The following PCDH17 variants were observed in gnomAD, a reference collection of about 807,000 sequenced individuals.
PCDH17 encodes the protein protocadherin-17.
PCDH17 carries 21 observed loss-of-function variants against 67.7 expected under a neutral mutation model. The ratio of observed to expected loss-of-function variants is 0.31; its 90% CI spans 0.22 to 0.45. The LOEUF is 0.45. Among genes scored for constraint, PCDH17 ranks in the 20% least tolerant of loss-of-function variants. PCDH17 has a pLI of 1.00. For synonymous variants in PCDH17, 701 were observed against 656.7 expected (o/e 1.07, Z -1.03); for missense variants, 1,471 against 1,564.8 (o/e 0.94, Z 1.01).
chr13:57,632,956 T>C lies in PCDH17; in HGVS notation c.410T>C (p.Ile137Thr), dbSNP rs1416244979. The C allele has an allele frequency of 6.2e-7, 1 of 1,613,674 alleles. No homozygotes were observed. The highest frequency in any genetic ancestry group is 1.1e-5 in the South Asian group (1 of 91,074). ...DNAPSFSSDQ[I>T]EMDISENAAP... is the part of the protein sequence containing the mutation. ...GCGCCCTCCTTCTCCTCGGACCAGATCGAAATGGACATCTCGGAGAACGCT... is the reference window on the plus strand; with the variant it reads ...GCGCCCTCCTTCTCCTCGGACCAGACCGAAATGGACATCTCGGAGAACGCT... The change falls in exon 1 of 4, where the codon ATC becomes ACC. Residue 137 changes from isoleucine (I) to threonine (T), a missense_variant. Ile to Thr is a moderately conservative substitution (Grantham distance 89). Transcript: ENST00000377918.
chr13:57,682,850 T>A (rs1955467021), intron 3 of PCDH17, among the ~76,000 whole-genome samples: 1 of 151,894 alleles, frequency 6.6e-6, no homozygotes, highest in East Asian at 1.9e-4. Flanking sequence ...GATATCAAAC[T>A]ATTAATAATT....
intron 3 of PCDH17, among the ~76,000 whole-genome samples, chr13:57,704,357 G>A (rs969558984): frequency 5.3e-5 from 8 of 151,964 alleles, no homozygotes; most frequent in African/African-American, 1.9e-4. Context: ...CAGTCTAGTA[G>A]GCAGCAGAAA....
In PCDH17 at chr13:57,727,216, C is replaced by G. The variant is rs1176549431; in HGVS notation, c.*1922C>G. ...CAGCTTCATGACAAACAGTTTTGTGCCCATACCTTAGAAAATGTGGTGCTG... is the reference window on the plus strand; with the variant it reads ...CAGCTTCATGACAAACAGTTTTGTGGCCATACCTTAGAAAATGTGGTGCTG... On this transcript the variant is annotated 3_prime_UTR_variant, in exon 4 of 4. Coordinates refer to ENST00000377918, the MANE Select transcript of PCDH17 (RefSeq NM_001040429.3). 6.6e-6 allele frequency: 1 copy of G among 152,458 alleles called. No homozygotes were observed. The highest frequency in any genetic ancestry group is 2.4e-5 in the African/African-American group (1 of 41,404). The allele number at this position is 152,458 out of a possible 1,614,324, so 9.4% of individuals were successfully genotyped here.
chr13:57,664,619 A>C (rs1312097071), intron 1 of PCDH17, among the ~76,000 whole-genome samples: 1 of 152,172 alleles, frequency 6.6e-6, no homozygotes, highest in Admixed American at 6.5e-5. Context: ...TTTTTTAACT[A>C]GAGTTTCTGA....
At chr13:57,711,587 T>C (rs1304086934) in intron 3 of PCDH17, among the ~76,000 whole-genome samples, 2 of 151,860 alleles carry the variant, frequency 1.3e-5, no homozygotes, top group Non-Finnish European at 2.9e-5. Context: ...AATTTACATT[T>C]TCTCAAAGTG....
At chr13:57,668,689 A>T (rs1955284823) in intron 3 of PCDH17, among the ~76,000 whole-genome samples, 1 of 152,122 alleles carries the variant, frequency 6.6e-6, no homozygotes, top group Non-Finnish European at 1.5e-5. Context: ...TTTAAATAAT[A>T]TTGCGCAGGA....
intron 3 of PCDH17, among the ~76,000 whole-genome samples, chr13:57,683,471 C>T (rs1174293978): frequency 6.6e-6 from 1 of 151,740 alleles, no homozygotes; most frequent in African/African-American, 2.4e-5. Context: ...ACTGCAGATG[C>T]TCAGAATATA....
In PCDH17 at chr13:57,634,889, C is replaced by T. The variant is rs544826152; in HGVS notation, c.2343C>T (p.Asn781=). The T allele has an allele frequency of 4.2e-5, 68 of 1,614,030 alleles. No individual in the cohort carries two copies. In the East Asian group the frequency reaches 1.0e-3, roughly 24 times the overall value. ...QSEVEERNAM[N]VMNVVSSPSL... ...AAGTGGAGGAGAGGAACGCCATGAA[C>T]GTCATGAACGTGGTGAGCAGCCCCT... The change falls in exon 1 of 4, where the codon AAC becomes AAT. Residue 781 remains asparagine, a synonymous_variant. Coordinates refer to ENST00000377918, the MANE Select transcript of PCDH17 (RefSeq NM_001040429.3). The surrounding 1 kb of genome is among the most constrained non-coding windows in gnomAD (Gnocchi z 7.8).
At chr13:57,700,079 T>G (rs1955647988) in intron 3 of PCDH17, among the ~76,000 whole-genome samples, 1 of 152,024 alleles carries the variant, frequency 6.6e-6, no homozygotes, top group African/African-American at 2.4e-5. Context: ...GTCAACACAT[T>G]ATGTGGTCAA....
intron 1 of PCDH17, among the ~76,000 whole-genome samples, chr13:57,638,169 G>A (rs1164079246): frequency 6.6e-6 from 1 of 151,972 alleles, no homozygotes; most frequent in Non-Finnish European, 1.5e-5. Flanking sequence ...AGTACATAAG[G>A]CAAATAGATT....
upstream of PCDH17, among the ~76,000 whole-genome samples, chr13:57,630,996 T>C (rs1413470996): frequency 3.3e-5 from 5 of 152,138 alleles, no homozygotes; most frequent in Non-Finnish European, 2.9e-5. Context: ...AGCCCCTGGC[T>C]GGACCGCCGC....
In PCDH17 at chr13:57,632,951, C is replaced by G. The variant is rs1375732970; in HGVS notation, c.405C>G (p.Asp135Glu). ...ACAACGCGCCCTCCTTCTCCTCGGACCAGATCGAAATGGACATCTCGGAGA... is the reference window on the plus strand; with the variant it reads ...ACAACGCGCCCTCCTTCTCCTCGGAGCAGATCGAAATGGACATCTCGGAGA... ...INDNAPSFSSDQIEMDISENA... is the reference protein window; with the variant it reads ...INDNAPSFSSEQIEMDISENA... Residue 135 changes from aspartate to glutamate, a missense_variant, in exon 1 of 4, where the codon GAC becomes GAG. By Grantham distance (45) the Asp-to-Glu change is conservative. Transcript: ENST00000377918. 1 of 1,613,844 alleles carries G rather than the reference C, an allele frequency of 6.2e-7. No individual in the cohort carries two copies. Among genetic ancestry groups the G allele is most frequent in the Non-Finnish European group, 8.5e-7 (1 of 1,180,034 alleles).
At chr13:57,640,749 G>C (rs955682215) in intron 1 of PCDH17, among the ~76,000 whole-genome samples, 2 of 152,002 alleles carry the variant, frequency 1.3e-5, no homozygotes, top group African/African-American at 2.4e-5. Context: ...AATGTATGCT[G>C]TGAGCCTGAT....
At chr13:57,709,844 G>A (rs949506922) in intron 3 of PCDH17, 3 of 152,116 alleles carry the variant, frequency 2.0e-5, no homozygotes, top group African/African-American at 7.3e-5. Context: ...CATTTGCAAG[G>A]CAGAACATGT....
chr13:57,703,387 T>C (rs771441686), intron 3 of PCDH17, among the ~76,000 whole-genome samples: 14 of 152,038 alleles, frequency 9.2e-5, no homozygotes, highest in Non-Finnish European at 1.9e-4. Context: ...ACAAAGAAAG[T>C]CTAATAAATC....
At chr13:57,669,697 T>C (rs1455088777) in intron 3 of PCDH17, among the ~76,000 whole-genome samples, 2 of 152,130 alleles carry the variant, frequency 1.3e-5, no homozygotes, top group Non-Finnish European at 2.9e-5. Context: ...AAAAATAAGC[T>C]AACTCGAAGT....
At chr13:57,678,307 G>A (rs1955414503) in intron 3 of PCDH17, among the ~76,000 whole-genome samples, 1 of 151,434 alleles carries the variant, frequency 6.6e-6, no homozygotes, top group South Asian at 2.1e-4. Flanking sequence ...GGGTAGCTAA[G>A]GAAGATATTG....
chr13:57,698,356 C>T (rs2138071773), intron 3 of PCDH17, among the ~76,000 whole-genome samples: 1 of 151,716 alleles, frequency 6.6e-6, no homozygotes, highest in African/African-American at 2.4e-5. Context: ...TGGAAACAAA[C>T]TTTACCTGTT....
chr13:57,639,628 T>G (rs1009083699), intron 1 of PCDH17, among the ~76,000 whole-genome samples: 3 of 151,970 alleles, frequency 2.0e-5, no homozygotes, highest in Non-Finnish European at 2.9e-5. Context: ...CATTCTTGTA[T>G]TGAGATTATA....
Sources: allele counts gnomAD v4.1 joint callset (sites outside exome capture counted in the v4.1 genomes callset), GRCh38; gene constraint gnomAD v4.1.1; non-coding constraint Gnocchi (gnomAD v3.1); transcripts MANE v1.5; gene names NCBI Gene and HGNC (gene_info 2026-07-23, HGNC 2026-07-21).